The following KLF12 variants were observed in gnomAD, a reference collection of about 807,000 sequenced individuals.
KLF12 encodes Krueppel-like factor 12.
Under a neutral mutation model 37.8 loss-of-function variants are expected in KLF12, and 9 were observed. The ratio of observed to expected loss-of-function variants is 0.24; its 90% CI spans 0.14 to 0.42. KLF12 has a LOEUF of 0.42. Ranked by LOEUF, KLF12 falls within the 10% of genes least tolerant of loss-of-function variation. The pLI, the probability that KLF12 is intolerant of heterozygous loss-of-function variation, is 1.00. For synonymous variants in KLF12, 208 were observed against 202.1 expected (o/e 1.03, Z -0.25); for missense variants, 411 against 516.0 (o/e 0.80, Z 1.97).
At chr13:74,190,170 A>G in the KLF12 span, among the ~76,000 whole-genome samples, 2,526 of 152,230 alleles carry the variant, frequency 0.017, 146 homozygotes, top group Admixed American at 0.11. Context: ...CAAATTACCA[A>G]GATGCACTCC....
At chr13:73,744,536 A>G (rs1252206086) in intron 6 of KLF12, among the ~76,000 whole-genome samples, 1 of 150,004 alleles carries the variant, frequency 6.7e-6, no homozygotes, top group Non-Finnish European at 1.5e-5. Flanking sequence ...GACATCCTGG[A>G]GCCTGGGTCA....
intron 6 of KLF12, among the ~76,000 whole-genome samples, chr13:73,754,541 A>T (rs905781041): frequency 6.6e-6 from 1 of 152,196 alleles, no homozygotes; most frequent in African/African-American, 2.4e-5. Context: ...ATTTGAAAAA[A>T]GATAGCCAAG....
At chr13:73,738,361 A>C (rs2137868671) in intron 6 of KLF12, among the ~76,000 whole-genome samples, 1 of 151,148 alleles carries the variant, frequency 6.6e-6, no homozygotes, top group South Asian at 2.1e-4. Flanking sequence ...AAAGTTGATC[A>C]GGCTGGTCTC....
the KLF12 span, among the ~76,000 whole-genome samples, chr13:74,187,497 T>A: frequency 6.6e-6 from 1 of 152,284 alleles, no homozygotes; most frequent in South Asian, 2.1e-4. Context: ...TGTAAAGTTC[T>A]TGTACAATTC....
At chr13:73,754,717 T>A (rs989170032) in intron 6 of KLF12, among the ~76,000 whole-genome samples, 3 of 152,062 alleles carry the variant, frequency 2.0e-5, no homozygotes, top group African/African-American at 7.2e-5. Flanking sequence ...CAAAATCTCA[T>A]GAGGAATATG....
At chr13:74,092,099 C>T (rs1196081927) in intron 1 of KLF12, among the ~76,000 whole-genome samples, 4 of 150,708 alleles carry the variant, frequency 2.7e-5, no homozygotes, top group Non-Finnish European at 5.9e-5. Flanking sequence ...ACCATCCTGG[C>T]TAACACGGTG....
chr13:73,733,913 C>T (rs1877253245), intron 6 of KLF12, among the ~76,000 whole-genome samples: 1 of 152,250 alleles, frequency 6.6e-6, no homozygotes, highest in South Asian at 2.1e-4. Flanking sequence ...CCTTTCAAAA[C>T]CCCAGTGGTC....
intron 3 of KLF12, among the ~76,000 whole-genome samples, chr13:73,942,884 G>C (rs2139362396): frequency 6.6e-6 from 1 of 152,266 alleles, no homozygotes; most frequent in East Asian, 1.9e-4. Flanking sequence ...ATTATATTGA[G>C]ATGCCACACA....
At chr13:74,277,079 C>T in the KLF12 span, among the ~76,000 whole-genome samples, 2 of 152,186 alleles carry the variant, frequency 1.3e-5, no homozygotes, top group Non-Finnish European at 2.9e-5. Context: ...TGCCAATAGC[C>T]TGATGGCCTT....
chr13:73,726,785 G>C (rs1048108758), intron 6 of KLF12, among the ~76,000 whole-genome samples: 3 of 152,168 alleles, frequency 2.0e-5, no homozygotes, highest in African/African-American at 7.2e-5. Context: ...TATGTTTTCA[G>C]ATCTCTTGGT....
intron 4 of KLF12, among the ~76,000 whole-genome samples, chr13:73,813,990 C>T (rs1009721810): frequency 4.6e-5 from 7 of 152,162 alleles, no homozygotes; most frequent in African/African-American, 1.7e-4. Context: ...AATGTTCTGA[C>T]CCCTGTTGAC....
chr13:73,969,441 T>A (rs1263192350), intron 2 of KLF12, among the ~76,000 whole-genome samples: 2 of 152,218 alleles, frequency 1.3e-5, no homozygotes, highest in Non-Finnish European at 2.9e-5. Context: ...ACCACTGGGA[T>A]TTTTTACACT....
chr13:74,046,851 T>C (rs2138572790), intron 1 of KLF12, among the ~76,000 whole-genome samples: 1 of 152,352 alleles, frequency 6.6e-6, no homozygotes, highest in Non-Finnish European at 1.5e-5. Context: ...TTTTGCATTT[T>C]CCTTACTATA....
chr13:74,088,321 G>T (rs895937397), intron 1 of KLF12, among the ~76,000 whole-genome samples: 1 of 151,490 alleles, frequency 6.6e-6, no homozygotes, highest in African/African-American at 2.4e-5. Flanking sequence ...GGAATCTCCT[G>T]AGTTCACGCA....
chr13:74,182,525 C>G, the KLF12 span, among the ~76,000 whole-genome samples: 2 of 152,206 alleles, frequency 1.3e-5, no homozygotes, highest in African/African-American at 4.8e-5. Context: ...TTTCTGTCAC[C>G]TCTGCAGAGG....
At chr13:73,960,474 G>C (rs1407137637) in intron 2 of KLF12, 1 of 219,102 alleles carries the variant, frequency 4.6e-6, no homozygotes, top group Non-Finnish European at 1.0e-5. Context: ...AAAGAGTCAA[G>C]TGGGCTAAAA....
chr13:74,044,714 G>T (rs1255101165), intron 1 of KLF12, among the ~76,000 whole-genome samples: 1 of 151,846 alleles, frequency 6.6e-6, no homozygotes, highest in Non-Finnish European at 1.5e-5. Flanking sequence ...ATGTAGTGGC[G>T]GGCGCCTGTA....
chr13:74,136,239 T>G (rs1878549681), upstream of KLF12, among the ~76,000 whole-genome samples: 1 of 151,928 alleles, frequency 6.6e-6, no homozygotes, highest in East Asian at 1.9e-4. Context: ...GGGTGAGGGG[T>G]TGGTGGTTGC....
At chr13:74,153,410 G>A in the KLF12 span, among the ~76,000 whole-genome samples, 727 of 152,256 alleles carry the variant, frequency 4.8e-3, 3 homozygotes, top group African/African-American at 0.012. Context: ...AGAGGTTACC[G>A]TCTGTGCTTG....
Sources: allele counts gnomAD v4.1 joint callset (sites outside exome capture counted in the v4.1 genomes callset), GRCh38; gene constraint gnomAD v4.1.1; transcripts MANE v1.5; gene names NCBI Gene and HGNC (gene_info 2026-07-23, HGNC 2026-07-21).